Variants in HPCAL1 observed in about 807,000 individuals in gnomAD.
The protein encoded by HPCAL1 is hippocalcin like 1.
A neutral mutation model predicts 17.1 loss-of-function variants in HPCAL1; 8 were observed. The ratio of observed to expected loss-of-function variants is 0.47; its 90% CI spans 0.27 to 0.84. The LOEUF is 0.84. Among genes scored for constraint, HPCAL1 ranks in the 40% least tolerant of loss-of-function variants. HPCAL1 has a pLI of 0.13. For missense variants in HPCAL1, 165 were observed against 271.1 expected (o/e 0.61, Z 2.75); for synonymous variants, 112 against 111.4 (o/e 1.01, Z -0.03).
intron 1 of HPCAL1, among the ~76,000 whole-genome samples, chr2:10,369,378 G>A (rs759809234): frequency 3.3e-5 from 5 of 152,206 alleles, no homozygotes; most frequent in African/African-American, 9.7e-5. Context: ...GAATTCTCTC[G>A]GGATTTTTTC....
intron 1 of HPCAL1, among the ~76,000 whole-genome samples, chr2:10,347,237 G>A (rs997387786): frequency 7.9e-5 from 12 of 151,966 alleles, no homozygotes; most frequent in South Asian, 4.1e-4. Flanking sequence ...TGCTCCTTCC[G>A]TCGTTGGCTT....
At chr2:10,420,379 A>T (rs979941994) in intron 3 of HPCAL1, among the ~76,000 whole-genome samples, 3 of 151,754 alleles carry the variant, frequency 2.0e-5, no homozygotes, top group Admixed American at 2.0e-4. Flanking sequence ...TTTTGATGGT[A>T]GAGAGAGGGT....
chr2:10,352,404 C>T (rs1381412851), intron 1 of HPCAL1, among the ~76,000 whole-genome samples: 3 of 152,182 alleles, frequency 2.0e-5, no homozygotes, highest in Non-Finnish European at 4.4e-5. Flanking sequence ...TTCCCACCTA[C>T]GCTCTGCTAA....
chr2:10,395,113 A>ACAC lies in HPCAL1; in HGVS notation c.-110-1722_-110-1721insCAC, dbSNP rs1668933418. On this transcript the variant is annotated intron_variant, in intron 1 of 4. Transcript: ENST00000307845. The surrounding 1 kb of genome is among the most constrained non-coding windows in gnomAD (Gnocchi z 4.4). ...TGTCCAGCCTAAAATCTATCTTTAA[A>ACAC]ACACACACACACACACACACACACA... Among the ~76,000 whole-genome samples the ACAC allele has an allele frequency of 1.4e-5, 2 of 138,372 alleles. No individual in the cohort carries two copies. Among genetic ancestry groups the ACAC allele is most frequent in the African/African-American group, 5.5e-5 (2 of 36,610 alleles). The allele number at this position is 138,372 out of a possible 152,430, so 90.8% of individuals were successfully genotyped here. A position where few individuals can be genotyped will look rare whatever the true frequency, so the allele number is the denominator to read the frequency against.
At chr2:10,392,687 G>A (rs903097021) in intron 1 of HPCAL1, among the ~76,000 whole-genome samples, 14 of 152,222 alleles carry the variant, frequency 9.2e-5, no homozygotes, top group African/African-American at 2.9e-4. Flanking sequence ...AGCAGGGAGA[G>A]GTGAGATAAC....
intron 1 of HPCAL1, among the ~76,000 whole-genome samples, chr2:10,332,486 A>G (rs1664445218): frequency 6.6e-6 from 1 of 152,086 alleles, no homozygotes; most frequent in Admixed American, 6.5e-5. Context: ...TAGGGTGGGC[A>G]AGGCAGGGTG....
At chr2:10,312,668 C>CCATCAT (rs535666250) in intron 1 of HPCAL1, among the ~76,000 whole-genome samples, 2 of 150,296 alleles carry the variant, frequency 1.3e-5, no homozygotes, top group African/African-American at 2.4e-5. Flanking sequence ...TTCTCCATCA[C>CCATCAT]CATCATCATC....
At chr2:10,402,213 T>A (rs1572828201) in intron 2 of HPCAL1, among the ~76,000 whole-genome samples, 2 of 152,310 alleles carry the variant, frequency 1.3e-5, no homozygotes, top group East Asian at 3.9e-4. Flanking sequence ...AACTGAACCT[T>A]GGTAGGAGAA....
At chr2:10,414,503 TCTC>T (rs1267378382) in intron 2 of HPCAL1, among the ~76,000 whole-genome samples, 1 of 152,114 alleles carries the variant, frequency 6.6e-6, no homozygotes, top group African/African-American at 2.4e-5. Flanking sequence ...TGTGTCCTCA[TCTC>T]CTCTTCTTAT....
At chr2:10,415,551 C>T (rs1670606025) in intron 2 of HPCAL1, among the ~76,000 whole-genome samples, 1 of 152,214 alleles carries the variant, frequency 6.6e-6, no homozygotes, top group Non-Finnish European at 1.5e-5. Flanking sequence ...GGTGTCGGCC[C>T]CCGAGGCAAG....
intron 2 of HPCAL1, among the ~76,000 whole-genome samples, chr2:10,405,898 G>A (rs1443427319): frequency 6.6e-6 from 1 of 152,248 alleles, no homozygotes; most frequent in Non-Finnish European, 1.5e-5. Flanking sequence ...CTTGCAGTAT[G>A]CGCCAAGTCC....
At chr2:10,407,540 G>C (rs1670047869) in intron 2 of HPCAL1, among the ~76,000 whole-genome samples, 2 of 151,354 alleles carry the variant, frequency 1.3e-5, no homozygotes, top group Non-Finnish European at 3.0e-5. Flanking sequence ...AACAAAAGGA[G>C]GCAGACAGTC....
intron 2 of HPCAL1, among the ~76,000 whole-genome samples, chr2:10,415,880 C>T (rs1010148207): frequency 2.0e-5 from 3 of 152,226 alleles, no homozygotes; most frequent in East Asian, 3.9e-4. Flanking sequence ...GAACACCTAG[C>T]GAGCTCCATG....
Position 10,375,917 on chromosome 2 carries a change from C to T in HPCAL1, c.-110-20918C>T, listed in dbSNP as rs1027592612. On this transcript the variant is annotated intron_variant, in intron 1 of 4. Coordinates refer to ENST00000307845, the MANE Select transcript of HPCAL1 (RefSeq NM_002149.4). Reference sequence around the variant, plus strand: ...GCTGATGTGGTTTGGATGCGTGTCCCCTCCAAGTCCATGTTGAAATGTGAT... The same window carrying T: ...GCTGATGTGGTTTGGATGCGTGTCCTCTCCAAGTCCATGTTGAAATGTGAT... 7.2e-5 allele frequency among the ~76,000 whole-genome samples: 11 copies of T among 152,252 alleles called. 1 individual carries two copies. The highest frequency in any genetic ancestry group is 2.4e-4 in the African/African-American group (10 of 41,548).
chr2:10,391,802 G>A (rs1338753773), intron 1 of HPCAL1, among the ~76,000 whole-genome samples: 1 of 152,042 alleles, frequency 6.6e-6, no homozygotes, highest in Non-Finnish European at 1.5e-5. Context: ...AGGCTGGAGT[G>A]CAGTGGCACG....
chr2:10,330,913 G>A lies in HPCAL1; in HGVS notation c.-111+27736G>A, dbSNP rs151303315. On this transcript the variant is annotated intron_variant, in intron 1 of 4. Transcript: ENST00000307845. This position sits in a 1 kb window ranked among gnomAD's most constrained non-coding sequence, Gnocchi z 4.2. ...GTGCTGGTTGAGTCAGAGCTTCTGG[G>A]TGCAGCCTGGGGGTGCAGCAAGCCC... 2.7e-4 allele frequency among the ~76,000 whole-genome samples: 41 copies of A among 152,304 alleles called. No individual in the cohort carries two copies. The highest frequency in any genetic ancestry group is 5.1e-4 in the Non-Finnish European group (35 of 68,024).
intron 1 of HPCAL1, among the ~76,000 whole-genome samples, chr2:10,313,528 AT>A (rs1308518806): frequency 1.3e-5 from 2 of 152,188 alleles, no homozygotes; most frequent in African/African-American, 4.8e-5. Context: ...TTTGTAGTCA[AT>A]TGGTGAGAGT....
chr2:10,329,424 T>A (rs930671899), intron 1 of HPCAL1, among the ~76,000 whole-genome samples: 3 of 152,056 alleles, frequency 2.0e-5, no homozygotes, highest in Non-Finnish European at 2.9e-5. Context: ...GAGGGAGGTG[T>A]GACTCTGGAA....
In HPCAL1 at chr2:10,304,852, G is replaced by A. The variant is rs1019869680; in HGVS notation, c.-111+1675G>A. 1.3e-5 allele frequency among the ~76,000 whole-genome samples: 2 copies of A among 152,180 alleles called. No homozygotes were observed. The highest frequency in any genetic ancestry group is 2.9e-5 in the Non-Finnish European group (2 of 68,032). ...GTGCAGGAGGCTCTCAAAATGGAGC[G>A]CCGGCATGGGGTTGGGCTGCGGAGG... On this transcript the variant is annotated intron_variant, in intron 1 of 4. Transcript: ENST00000307845. The surrounding 1 kb of genome is among the most constrained non-coding windows in gnomAD (Gnocchi z 4.1).
Sources: allele counts gnomAD v4.1 joint callset (sites outside exome capture counted in the v4.1 genomes callset), GRCh38; gene constraint gnomAD v4.1.1; non-coding constraint Gnocchi (gnomAD v3.1); transcripts MANE v1.5; gene names NCBI Gene and HGNC (gene_info 2026-07-23, HGNC 2026-07-21).